The following SEPHS2 variants were observed in gnomAD, a reference collection of about 807,000 sequenced individuals.
SEPHS2 encodes the protein selenide, water dikinase 2.
In SEPHS2, 11 loss-of-function variants were observed where a neutral mutation model predicts 23.9. That is an observed-to-expected ratio of 0.46 (90% confidence interval 0.29 to 0.76). The LOEUF is 0.76. Among genes scored for constraint, SEPHS2 ranks in the 30% least tolerant of loss-of-function variants. The pLI, the probability that SEPHS2 is intolerant of heterozygous loss-of-function variation, is 0.10. For synonymous variants in SEPHS2, 239 were observed against 247.5 expected (o/e 0.97, Z 0.32); for missense variants, 541 against 592.5 (o/e 0.91, Z 0.90).
chr16:30,445,382 C>T lies in SEPHS2; in HGVS notation c.346G>A (p.Gly116Ser). Reference protein sequence around the residue: ...AGPSPTFPALGIGMDSCVIPL... With the variant: ...AGPSPTFPALSIGMDSCVIPL... ...ATGACGCAGGAGTCCATCCCGATGCCCAGGGCTGGAAAGGTGGGGCTGGGG... is the reference window on the plus strand; with the variant it reads ...ATGACGCAGGAGTCCATCCCGATGCTCAGGGCTGGAAAGGTGGGGCTGGGG... The change falls in exon 1 of 1, where the codon GGC becomes AGC. Residue 116 changes from glycine to serine, a missense_variant. Gly to Ser is a moderately conservative substitution (Grantham distance 56, BLOSUM62 0). Transcript: ENST00000478753. The T allele has an allele frequency of 6.2e-7, 1 of 1,607,844 alleles. No individual in the cohort carries two copies.
rs750431490 is a variant in SEPHS2, at chr16:30,444,896, C to T, written c.832G>A (p.Val278Met). ...AGCTCCACCTCTTCTCTGGAGACCA[C>T]CATCTTTACTTTATTCCATCTTTCA... is the stretch of plus-strand genomic sequence containing the variant. Reference protein sequence around the residue: ...NPERWNKVKMVVSREEVELAY... With the variant: ...NPERWNKVKMMVSREEVELAY... Residue 278 changes from valine (V) to methionine (M), a missense_variant, in exon 1 of 1, where the codon GTG (valine) becomes ATG (methionine). By Grantham distance (21) the Val-to-Met change is conservative. Coordinates refer to ENST00000478753, the MANE Select transcript of SEPHS2 (RefSeq NM_012248.4). The surrounding 1 kb of genome is among the most constrained non-coding windows in gnomAD (Gnocchi z 4.0). 1.2e-6 allele frequency: 2 copies of T among 1,614,148 alleles called. No individual in the cohort carries two copies. Among genetic ancestry groups the T allele is most frequent in the Non-Finnish European group, 1.7e-6 (2 of 1,180,038 alleles).
In SEPHS2 at chr16:30,445,533, C is replaced by G. The variant is rs551847665; in HGVS notation, c.195G>C (p.Pro65=). 187 of 1,534,254 alleles carry G rather than the reference C, an allele frequency of 1.2e-4. 2 individuals carry two copies. The South Asian group carries it at 2.2e-3, about 18-fold the overall frequency. Residue 65 remains proline (P), a synonymous_variant, in exon 1 of 1, where the codon CCG becomes CCC. Transcript: ENST00000478753. ...SGMKGUGCKV[P]QEALLKLLAG... ...CCAGGAGTTTGAGCAGCGCCTCCTG[C>G]GGGACCTTGCAGCCTCAGCCCTTCA...
In SEPHS2 at chr16:30,444,799, T is replaced by A. The variant is rs779539686; in HGVS notation, c.929A>T (p.Asn310Ile). 3.3e-5 allele frequency: 54 copies of A among 1,614,036 alleles called. No homozygotes were observed. Among genetic ancestry groups the A allele is most frequent in the Non-Finnish European group, 4.6e-5 (54 of 1,180,006 alleles). The change falls in exon 1 of 1, where the codon AAT (asparagine) becomes ATT (isoleucine). Residue 310 changes from asparagine to isoleucine, a missense_variant. Physicochemically the swap from Asn to Ile is moderately radical, Grantham distance 149 (BLOSUM62 -3). Transcript: ENST00000478753. This position sits in a 1 kb window ranked among gnomAD's most constrained non-coding sequence, Gnocchi z 4.0. ...RTAAGLMHTF[N>I]AHAATDITGF... ...TGTGATATCTGTGGCCGCATGGGCA[T>A]TAAATGTGTGCATTAAACCTGCAGC...
In SEPHS2 at chr16:30,445,832, G is replaced by T. The variant is rs878935415; in HGVS notation, c.-105C>A. 9.8e-5 allele frequency: 136 copies of T among 1,392,546 alleles called. No homozygotes were observed. The Middle Eastern group carries it at 1.6e-3, about 16-fold the overall frequency. The allele number at this position is 1,392,546 out of a possible 1,614,324, so 86.3% of individuals were successfully genotyped here. ...ATATTACCTGCAGGGATTCTCCCTAGCGCTACTCAAGCCGTCAGACCCACG... is the reference window on the plus strand; with the variant it reads ...ATATTACCTGCAGGGATTCTCCCTATCGCTACTCAAGCCGTCAGACCCACG... On this transcript the variant is annotated 5_prime_UTR_variant, in exon 1 of 1. Coordinates refer to ENST00000478753, the MANE Select transcript of SEPHS2 (RefSeq NM_012248.4).
In SEPHS2 at chr16:30,445,707, C is replaced by G. The variant is rs1359689289; in HGVS notation, c.21G>C (p.Thr7=). 2.6e-6 allele frequency: 4 copies of G among 1,540,298 alleles called. No individual in the cohort carries two copies. The highest frequency in any genetic ancestry group is 3.5e-6 in the Non-Finnish European group (4 of 1,145,634). Residue 7 remains threonine (T), a synonymous_variant, in exon 1 of 1, where the codon ACG becomes ACC. Transcript: ENST00000478753. The part of the protein sequence containing the change: MAEASA[T]GACGEAMAAA... ...CTGCCATCGCCTCTCCGCAGGCGCC[C>G]GTCGCCGAGGCTTCCGCCATGGCGC... is the stretch of plus-strand genomic sequence containing the variant.
Position 30,445,670 on chromosome 16 carries a change from A to T in SEPHS2, c.58T>A (p.Ser20Thr). 6.5e-7 allele frequency: 1 copy of T among 1,535,924 alleles called. No homozygotes were observed. The highest frequency in any genetic ancestry group is 1.2e-5 in the South Asian group (1 of 83,942). ...CGEAMAAAEG[S>T]SGPAGLTLGR... ...AGAGTCAAGCCCGCCGGGCCCGAGG[A>T]GCCTTCCGCCGCTGCCATCGCCTCT... The change falls in exon 1 of 1, where the codon TCC (serine) becomes ACC (threonine). Residue 20 changes from serine (S) to threonine (T), a missense_variant. This residue lies in a region of SEPHS2 where 207 missense variants were observed against 182.2 expected (regional missense o/e 1.14). Transcript: ENST00000478753.
Position 30,444,357 on chromosome 16 carries a change from C to T in SEPHS2, c.*24G>A. 1 of 1,568,438 alleles carries T rather than the reference C, an allele frequency of 6.4e-7. No homozygotes were observed. The highest frequency in any genetic ancestry group is 8.6e-7 in the Non-Finnish European group (1 of 1,156,368). On this transcript the variant is annotated 3_prime_UTR_variant, in exon 1 of 1. Coordinates refer to ENST00000478753, the MANE Select transcript of SEPHS2 (RefSeq NM_012248.4). This position sits in a 1 kb window ranked among gnomAD's most constrained non-coding sequence, Gnocchi z 4.0. The stretch of plus-strand genomic sequence containing the variant: ...TGATTGTGGACAATGGCTCTAAGGT[C>T]CAAACAACTTCTGTTCTTTCATCTC...
Position 30,444,391 on chromosome 16 carries a change from G to A in SEPHS2, c.1337C>T (p.Pro446Leu). Residue 446 changes from proline to leucine, a missense_variant, in exon 1 of 1, where the codon CCT (proline) becomes CTT (leucine). This residue lies in a region of SEPHS2 where 224 missense variants were observed against 237.4 expected (regional missense o/e 0.94). Coordinates refer to ENST00000478753, the MANE Select transcript of SEPHS2 (RefSeq NM_012248.4). The surrounding 1 kb of genome is among the most constrained non-coding windows in gnomAD (Gnocchi z 4.0). Reference sequence around the variant, plus strand: ...TTCTGTTCTTTCATCTCACGAGCTAGGCTCAGAGGAGGCATTTGAACTGTC... The same window carrying A: ...TTCTGTTCTTTCATCTCACGAGCTAAGCTCAGAGGAGGCATTTGAACTGTC... Reference protein sequence around the residue: ...APDSSNASSEPSS With the variant: ...APDSSNASSELSS 1 of 1,599,488 alleles carries A rather than the reference G, an allele frequency of 6.3e-7. No homozygotes were observed. The highest frequency in any genetic ancestry group is 1.1e-5 in the South Asian group (1 of 89,812).
At position 30,445,329 on chromosome 16, in the gene SEPHS2, C is replaced by G. The variant is rs776496036; in HGVS notation, c.399G>C (p.Leu133=). The change falls in exon 1 of 1, where the codon CTG becomes CTC. Residue 133 remains leucine (L), a synonymous_variant. Coordinates refer to ENST00000478753, the MANE Select transcript of SEPHS2 (RefSeq NM_012248.4). The part of the protein sequence containing the change: ...VIPLRHGGLS[L]VQTTDFFYPL... ...GGTAAAAGAAGTCCGTGGTCTGCAC[C>G]AGTGACAGGCCCCCGTGCCTCAGGG... 6.2e-7 allele frequency: 1 copy of G among 1,613,558 alleles called. No individual in the cohort carries two copies. The highest frequency in any genetic ancestry group is 8.5e-7 in the Non-Finnish European group (1 of 1,179,678).
rs375191051 is a variant in SEPHS2 at position 30,445,075 on chromosome 16, T to C, written c.653A>G (p.Asn218Ser). The change falls in exon 1 of 1, where the codon AAC becomes AGC. Residue 218 changes from asparagine to serine, a missense_variant. Asn to Ser is a conservative substitution (Grantham distance 46). Transcript: ENST00000478753. ...AACTCCACCGATTATAATCCAAGGGTTGACCACCGTTTGCCCACCGGTCAC... is the reference window on the plus strand; with the variant it reads ...AACTCCACCGATTATAATCCAAGGGCTGACCACCGTTTGCCCACCGGTCAC... ...TAVTGGQTVV[N>S]PWIIIGGVAT... The C allele has an allele frequency of 1.3e-6, 2 of 1,591,526 alleles. No individual in the cohort carries two copies. Among genetic ancestry groups the C allele is most frequent in the African/African-American group, 2.7e-5 (2 of 74,766 alleles).
Position 30,444,209 on chromosome 16 carries a change from C to T in SEPHS2, c.*172G>A, listed in dbSNP as rs2050267191. 2 of 492,248 alleles carry T rather than the reference C, an allele frequency of 4.1e-6. No individual in the cohort carries two copies. The highest frequency in any genetic ancestry group is 1.0e-4 in the South Asian group (2 of 19,626). The allele number at this position is 492,248 out of a possible 1,614,324, so 30.5% of individuals were successfully genotyped here. On this transcript the variant is annotated 3_prime_UTR_variant, in exon 1 of 1. Coordinates refer to ENST00000478753, the MANE Select transcript of SEPHS2 (RefSeq NM_012248.4). The surrounding 1 kb of genome is among the most constrained non-coding windows in gnomAD (Gnocchi z 4.0). ...AAAGTTCAAAATGTTACTCTGGCCT[C>T]GGAATGCATATAAAGACTGCTTTAG...
chr16:30,443,646 G>T lies in SEPHS2; in HGVS notation c.*735C>A, dbSNP rs1250178368. On this transcript the variant is annotated 3_prime_UTR_variant, in exon 1 of 1. Coordinates refer to ENST00000478753, the MANE Select transcript of SEPHS2 (RefSeq NM_012248.4). Reference sequence around the variant, plus strand: ...TTAGCCAGAATAGTTTTTCAACAAGGTTTCTTTTATTTATTTAGCAAGAAA... The same window carrying T: ...TTAGCCAGAATAGTTTTTCAACAAGTTTTCTTTTATTTATTTAGCAAGAAA... The T allele has an allele frequency of 6.6e-6, 1 of 152,474 alleles. No homozygotes were observed. The highest frequency in any genetic ancestry group is 1.5e-5 in the Non-Finnish European group (1 of 68,020). The allele number at this position is 152,474 out of a possible 1,614,324, so 9.4% of individuals were successfully genotyped here. A position where few individuals can be genotyped will look rare whatever the true frequency, so the allele number is the denominator to read the frequency against.
rs1181569151 is a variant in SEPHS2, at chr16:30,445,815, T to G, written c.-88A>C. 1.4e-6 allele frequency: 2 copies of G among 1,429,884 alleles called. No individual in the cohort carries two copies. Among genetic ancestry groups the G allele is most frequent in the African/African-American group, 1.5e-5 (1 of 66,994 alleles). 88.6% of individuals were successfully genotyped at this position (1,429,884 alleles called of 1,614,324 possible). ...TATGAAGCAAAAGTCAAATATTACC[T>G]GCAGGGATTCTCCCTAGCGCTACTC... On this transcript the variant is annotated 5_prime_UTR_variant, in exon 1 of 1. Coordinates refer to ENST00000478753, the MANE Select transcript of SEPHS2 (RefSeq NM_012248.4).
rs998281883 is a variant in SEPHS2 at position 30,444,916 on chromosome 16, C to T, written c.812G>A (p.Arg271Lys). The change falls in exon 1 of 1, where the codon AGA becomes AAA. Residue 271 changes from arginine to lysine, a missense_variant. By Grantham distance (26) the Arg-to-Lys change is conservative. Around this residue, in one of 3 missense-constraint regions of SEPHS2, gnomAD observed 224 missense variants for 237.4 expected, o/e 0.94. Transcript: ENST00000478753. The surrounding 1 kb of genome is among the most constrained non-coding windows in gnomAD (Gnocchi z 4.0). ...GACCACCATCTTTACTTTATTCCAT[C>T]TTTCAGGATTATCCAGCCATTGGTG... ...NAHQWLDNPE[R>K]WNKVKMVVSR... 1.2e-6 allele frequency: 2 copies of T among 1,614,166 alleles called. No homozygotes were observed. The highest frequency in any genetic ancestry group is 1.7e-6 in the Non-Finnish European group (2 of 1,180,040).
At position 30,445,708 on chromosome 16, in the gene SEPHS2, G is replaced by C. The variant is rs2050278467; in HGVS notation, c.20C>G (p.Thr7Arg). MAEASA[T>R]GACGEAMAAA... ...TGCCATCGCCTCTCCGCAGGCGCCCGTCGCCGAGGCTTCCGCCATGGCGCC... is the reference window on the plus strand; with the variant it reads ...TGCCATCGCCTCTCCGCAGGCGCCCCTCGCCGAGGCTTCCGCCATGGCGCC... Residue 7 changes from threonine to arginine, a missense_variant, in exon 1 of 1, where the codon ACG (threonine) becomes AGG (arginine). Transcript: ENST00000478753. The C allele has an allele frequency of 6.5e-7, 1 of 1,540,126 alleles. No homozygotes were observed. Among genetic ancestry groups the C allele is most frequent in the African/African-American group, 1.4e-5 (1 of 72,386 alleles).
Position 30,445,189 on chromosome 16 carries a change from C to T in SEPHS2, c.539G>A (p.Ser180Asn). ...GCGTTCCTCCTCACTCATACTCTGG[C>T]TGACGCTGAGTAACATCAACATGTT... ...CDNMLMLLSV[S>N]QSMSEEEREK... is the part of the protein sequence containing the mutation. The change falls in exon 1 of 1, where the codon AGC becomes AAC. Residue 180 changes from serine (S) to asparagine (N), a missense_variant. Physicochemically the swap from Ser to Asn is conservative, Grantham distance 46. This residue lies in a region of SEPHS2 where 110 missense variants were observed against 173.0 expected (regional missense o/e 0.64). Transcript: ENST00000478753. 6.2e-7 allele frequency: 1 copy of T among 1,614,232 alleles called. No homozygotes were observed. The highest frequency in any genetic ancestry group is 8.5e-7 in the Non-Finnish European group (1 of 1,180,032).
At position 30,443,698 on chromosome 16, in the gene SEPHS2, G is replaced by A. The variant is rs2050265054; in HGVS notation, c.*683C>T. ...TACTCTTTATTGATCAAATCACCAG[G>A]AATCTGCCGCAAAAGACTTAACATC... On this transcript the variant is annotated 3_prime_UTR_variant, in exon 1 of 1. Transcript: ENST00000478753. The A allele has an allele frequency of 6.6e-6, 1 of 152,538 alleles. No homozygotes were observed. The highest frequency in any genetic ancestry group is 2.1e-4 in the South Asian group (1 of 4,830). 9.4% of individuals were successfully genotyped at this position (152,538 alleles called of 1,614,324 possible).
In SEPHS2 at chr16:30,444,362, C is replaced by A; in HGVS notation, c.*19G>T. On this transcript the variant is annotated 3_prime_UTR_variant, in exon 1 of 1. Transcript: ENST00000478753. This position sits in a 1 kb window ranked among gnomAD's most constrained non-coding sequence, Gnocchi z 4.0. ...GTGGACAATGGCTCTAAGGTCCAAA[C>A]AACTTCTGTTCTTTCATCTCACGAG... The A allele has an allele frequency of 1.3e-6, 2 of 1,574,658 alleles. 1 individual carries two copies. Among genetic ancestry groups the A allele is most frequent in the South Asian group, 2.3e-5 (2 of 85,956 alleles).
At position 30,445,365 on chromosome 16, in the gene SEPHS2, G is replaced by A. The variant is rs1417198747; in HGVS notation, c.363C>T (p.Ser121=). The part of the protein sequence containing the change: ...TFPALGIGMD[S]CVIPLRHGGL... ...CCCCGTGCCTCAGGGGGATGACGCA[G>A]GAGTCCATCCCGATGCCCAGGGCTG... Residue 121 remains serine, a synonymous_variant, in exon 1 of 1, where the codon TCC becomes TCT. Coordinates refer to ENST00000478753, the MANE Select transcript of SEPHS2 (RefSeq NM_012248.4). 1 of 1,611,216 alleles carries A rather than the reference G, an allele frequency of 6.2e-7. No homozygotes were observed. Among genetic ancestry groups the A allele is most frequent in the Non-Finnish European group, 8.5e-7 (1 of 1,178,890 alleles).
Sources: allele counts gnomAD v4.1 joint callset, GRCh38; gene constraint gnomAD v4.1.1; regional missense constraint gnomAD v4.1.1; non-coding constraint Gnocchi (gnomAD v3.1); transcripts MANE v1.5; gene names NCBI Gene and HGNC (gene_info 2026-07-23, HGNC 2026-07-21).